The following ALOXE3 variants were observed in gnomAD, a reference collection of about 807,000 sequenced individuals.
ALOXE3 encodes hydroperoxide isomerase ALOXE3.
A neutral mutation model predicts 87.5 loss-of-function variants in ALOXE3; 78 were observed. That is an observed-to-expected ratio of 0.89 (90% confidence interval 0.74 to 1.08). The LOEUF is 1.08. Ranked by LOEUF, ALOXE3 falls within the 50% of genes least tolerant of loss-of-function variation. The pLI is 0.00. For missense variants in ALOXE3, 946 were observed against 912.4 expected (o/e 1.04, Z -0.47); for synonymous variants, 363 against 370.8 (o/e 0.98, Z 0.24).
chr17:8,106,698 C>T (rs965269024), intron 13 of ALOXE3, among the ~76,000 whole-genome samples: 1 of 151,958 alleles, frequency 6.6e-6, no homozygotes, highest in Non-Finnish European at 1.5e-5. Flanking sequence ...TGGTAGTGTG[C>T]GACTGTAGTC....
chr17:8,116,467 G>A (rs1423463497), intron 3 of ALOXE3, among the ~76,000 whole-genome samples: 2 of 152,142 alleles, frequency 1.3e-5, no homozygotes, highest in South Asian at 2.1e-4. Context: ...CTGGGGTCTG[G>A]AGGAACTCAC....
At position 8,118,298 on chromosome 17, in the gene ALOXE3, G is replaced by A. The variant is rs1484971811; in HGVS notation, c.-308C>T. 1.3e-6 allele frequency: 2 copies of A among 1,551,770 alleles called. No individual in the cohort carries two copies. The highest frequency in any genetic ancestry group is 1.2e-5 in the South Asian group (1 of 84,060). On this transcript the variant is annotated 5_prime_UTR_variant, in exon 2 of 16. Transcript: ENST00000448843. The stretch of plus-strand genomic sequence containing the variant: ...ACCCAGATGGATATCAGGAGCCTGG[G>A]TTCCACTGCGGAGGGAGGGATCAGA...
Position 8,115,081 on chromosome 17 carries a change from G to A in ALOXE3, c.435-24C>T, listed in dbSNP as rs973629300. On this transcript the variant is annotated intron_variant, in intron 4 of 15. Transcript: ENST00000448843. ...AGCTTCCGAGGGAAAGAGGTCAGAGGTGGCAGGTCATGCTCGGGATAAACA... is the reference window on the plus strand; with the variant it reads ...AGCTTCCGAGGGAAAGAGGTCAGAGATGGCAGGTCATGCTCGGGATAAACA... 27 of 1,613,968 alleles carry A rather than the reference G, an allele frequency of 1.7e-5. No homozygotes were observed. The African/African-American group carries it at 2.8e-4, about 17-fold the overall frequency.
Position 8,104,143 on chromosome 17 carries a change from G to C in ALOXE3, c.1757C>G (p.Ala586Gly). ...FLTAIIFNCS[A>G]QHAAVNSGQH... ...CCCACTGTTGACAGCAGCGTGCTGG[G>C]CAGAGCAATTGAAGATGATTGCAGT... The change falls in exon 14 of 16, where the codon GCC becomes GGC. Residue 586 changes from alanine to glycine, a missense_variant. Transcript: ENST00000448843. The C allele has an allele frequency of 6.2e-7, 1 of 1,613,934 alleles. No homozygotes were observed.
At chr17:8,099,502 A>T (rs868020827) in intron 15 of ALOXE3, among the ~76,000 whole-genome samples, 1 of 152,056 alleles carries the variant, frequency 6.6e-6, no homozygotes, top group African/African-American at 2.4e-5. Context: ...TCTCTACTAA[A>T]AGTACAAAAT....
upstream of ALOXE3, chr17:8,118,624 G>A (rs764188207): frequency 2.7e-5 from 41 of 1,536,088 alleles, no homozygotes; most frequent in Non-Finnish European, 3.3e-5. Context: ...GTCAGGAACA[G>A]CTCCCTGTCA....
Position 8,096,822 on chromosome 17 carries a change from G to T in ALOXE3, c.1957-16C>A. The T allele has an allele frequency of 1.2e-6, 2 of 1,613,616 alleles. No homozygotes were observed. The highest frequency in any genetic ancestry group is 8.5e-7 in the Non-Finnish European group (1 of 1,179,556). On this transcript the variant is annotated splice_polypyrimidine_tract_variant and intron_variant, in intron 15 of 15. Coordinates refer to ENST00000448843, the MANE Select transcript of ALOXE3 (RefSeq NM_021628.3). ...CCAGGGGCCTCTGGGAGGACATCAG[G>T]TAAGAGGTCAGGATGACATTCAGAT...
chr17:8,113,536 C>T (rs1980287060), intron 6 of ALOXE3, among the ~76,000 whole-genome samples: 1 of 151,784 alleles, frequency 6.6e-6, no homozygotes, highest in Admixed American at 6.6e-5. Flanking sequence ...CTCTGTAATC[C>T]CAGCTACTCG....
At chr17:8,113,981 C>T (rs1316569694) in intron 6 of ALOXE3, among the ~76,000 whole-genome samples, 5 of 147,476 alleles carry the variant, frequency 3.4e-5, no homozygotes, top group East Asian at 4.0e-4. Flanking sequence ...GCCGAGATCG[C>T]GGCACTGCAC....
At chr17:8,111,964 G>T in intron 7 of ALOXE3, 129 bp downstream of exon 7, 2 of 851,344 alleles carry the variant, frequency 2.3e-6, no homozygotes, top group Non-Finnish European at 4.0e-6. Flanking sequence ...GAAGCCAGGA[G>T]CCCCTCCCAC....
In ALOXE3 at chr17:8,110,263, G is replaced by A; in HGVS notation, c.1134C>T (p.Ile378=). 6.2e-7 allele frequency: 1 copy of A among 1,614,080 alleles called. No individual in the cohort carries two copies. Among genetic ancestry groups the A allele is most frequent in the Non-Finnish European group, 8.5e-7 (1 of 1,179,926 alleles). ...CCCATTCGGAGTCAGTGGGCAGGAA[G>A]ATGGGGCTGTCAGGCCCGGGGGTCT... ...LSQTPGPDSP[I]FLPTDSEWDW... The change falls in exon 10 of 16, where the codon ATC becomes ATT. Residue 378 remains isoleucine, a synonymous_variant. Coordinates refer to ENST00000448843, the MANE Select transcript of ALOXE3 (RefSeq NM_021628.3).
intron 11 of ALOXE3, among the ~76,000 whole-genome samples, 196 bp downstream of exon 11, chr17:8,109,720 T>C (rs1598208394): frequency 6.9e-6 from 1 of 144,420 alleles, no homozygotes; most frequent in African/African-American, 2.6e-5. Context: ...GGAGACAGGG[T>C]CTGTGAAGGG....
intron 4 of ALOXE3, 82 bp from the exon 5 acceptor site, chr17:8,115,139 T>A: frequency 6.4e-7 from 1 of 1,570,248 alleles, no homozygotes; most frequent in Non-Finnish European, 8.7e-7. Flanking sequence ...GGCTTCAGAT[T>A]AAAACTTCAA....
At chr17:8,114,873 C>T in intron 5 of ALOXE3, 65 bp downstream of exon 5, 1 of 1,608,306 alleles carries the variant, frequency 6.2e-7, no homozygotes, top group Non-Finnish European at 8.5e-7. Context: ...CTATCAGGAC[C>T]CCATCCTCCC....
intron 15 of ALOXE3, among the ~76,000 whole-genome samples, chr17:8,100,233 G>C (rs1181760196): frequency 6.6e-6 from 1 of 152,258 alleles, no homozygotes; most frequent in Non-Finnish European, 1.5e-5. Flanking sequence ...AAGCTTGTTT[G>C]CAATCTTGGA....
chr17:8,106,995 A>C (rs1486988390), intron 13 of ALOXE3, among the ~76,000 whole-genome samples: 3 of 152,346 alleles, frequency 2.0e-5, no homozygotes, highest in South Asian at 2.1e-4. Flanking sequence ...TACTTGTTGG[A>C]AGAGCTGTTG....
intron 15 of ALOXE3, among the ~76,000 whole-genome samples, 158 bp from the exon 16 acceptor site, chr17:8,096,964 C>T (rs1433635973): frequency 6.6e-6 from 1 of 152,136 alleles, no homozygotes; most frequent in East Asian, 1.9e-4. Context: ...ACCCCATGAT[C>T]CTGACACGAG....
At chr17:8,111,600 T>G in intron 7 of ALOXE3, 69 bp from the exon 8 acceptor site, 1 of 1,549,704 alleles carries the variant, frequency 6.5e-7, no homozygotes, top group Non-Finnish European at 8.9e-7. Flanking sequence ...TGCCAAGTCC[T>G]TTGCTTATCA....
rs1190957724 is a variant in ALOXE3 at position 8,110,476 on chromosome 17, T to C, written c.1010A>G (p.His337Arg). The change falls in exon 9 of 16, where the codon CAC (histidine) becomes CGC (arginine). Residue 337 changes from histidine to arginine, a missense_variant. His to Arg is a conservative substitution (Grantham distance 29). Coordinates refer to ENST00000448843, the MANE Select transcript of ALOXE3 (RefSeq NM_021628.3). The part of the protein sequence containing the change: ...DYWILAEAPT[H>R]CLNGRQQYVA... ...GTACTGCTGGCGGCCGTTTAGGCAGTGGGTGGGGGCCTCCGCCAGGATCCA... is the reference window on the plus strand; with the variant it reads ...GTACTGCTGGCGGCCGTTTAGGCAGCGGGTGGGGGCCTCCGCCAGGATCCA... The C allele has an allele frequency of 5.6e-6, 9 of 1,613,682 alleles. No individual in the cohort carries two copies. Among genetic ancestry groups the C allele is most frequent in the African/African-American group, 1.3e-5 (1 of 74,898 alleles).
Sources: gnomAD v4.1 joint callset for allele counts (sites outside exome capture counted in the v4.1 genomes callset) on GRCh38, gnomAD v4.1.1 for gene constraint, MANE v1.5 for transcripts, NCBI Gene and HGNC (gene_info 2026-07-23, HGNC 2026-07-21) for gene names.